Variants in PASK observed in about 807,000 individuals in gnomAD.
PASK encodes the protein PAS domain-containing serine/threonine-protein kinase.
Under a neutral mutation model 121.0 loss-of-function variants are expected in PASK, and 110 were observed. The observed-to-expected ratio is 0.91, with a 90% confidence interval of 0.78 to 1.06. PASK has a LOEUF of 1.06. Among genes scored for constraint, PASK ranks in the 50% least tolerant of loss-of-function variants. The probability of loss-of-function intolerance (pLI) is 0.00; values close to 1 mark genes in which losing one functional copy is unlikely to be tolerated. For synonymous variants in PASK, 686 were observed against 717.8 expected (o/e 0.96, Z 0.71); for missense variants, 1,643 against 1,702.3 (o/e 0.97, Z 0.61).
chr2:241,129,140 A>C (rs764955191), intron 9 of PASK, among the ~76,000 whole-genome samples: 15 of 152,136 alleles, frequency 9.9e-5, no homozygotes, highest in Non-Finnish European at 1.6e-4. Context: ...ATCCTCCTGC[A>C]GGATCAGGTA....
chr2:241,135,761 A>T, intron 8 of PASK, 110 bp downstream of exon 8: 1 of 1,027,716 alleles, frequency 9.7e-7, no homozygotes, highest in Non-Finnish European at 1.5e-6. Context: ...ACCACCCCTG[A>T]GCCTCTGGAG....
In PASK at chr2:241,112,334, A is replaced by C. The variant is rs1388591554; in HGVS notation, c.3439T>G (p.Phe1147Val). The C allele has an allele frequency of 6.2e-7, 1 of 1,613,608 alleles. No homozygotes were observed. The highest frequency in any genetic ancestry group is 1.3e-5 in the African/African-American group (1 of 74,864). Reference protein sequence around the residue: ...AEDFTIKLIDFGSAAYLERGK... With the variant: ...AEDFTIKLIDVGSAAYLERGK... ...CTTTCCAAGTAGGCGGCCGAGCCAA[A>C]GTCTATCAGCTTGATTGTGAAGTCC... The change falls in exon 15 of 18, where the codon TTT (phenylalanine) becomes GTT (valine). Residue 1147 changes from phenylalanine (F) to valine (V), a missense_variant. Around this residue, in one of 3 missense-constraint regions of PASK, gnomAD observed 453 missense variants for 511.2 expected, o/e 0.89. Transcript: ENST00000234040. This position sits in a 1 kb window ranked among gnomAD's most constrained non-coding sequence, Gnocchi z 5.2.
At chr2:241,139,766 T>G in intron 4 of PASK, 119 bp downstream of exon 4, 20 of 922,686 alleles carry the variant, frequency 2.2e-5, no homozygotes, top group Non-Finnish European at 3.0e-5. Context: ...CTGAAGAAGC[T>G]GAGATGTCCT....
intron 1 of PASK, among the ~76,000 whole-genome samples, chr2:241,148,798 GA>G (rs2067107356): frequency 6.6e-6 from 1 of 152,166 alleles, no homozygotes; most frequent in Admixed American, 6.5e-5. Context: ...TGAAGAGAGG[GA>G]ACCCCTAAGA....
intron 6 of PASK, among the ~76,000 whole-genome samples, chr2:241,137,529 G>A (rs7568414): frequency 0.33 from 49,883 of 152,102 alleles, 9,829 homozygotes; most frequent in Middle Eastern, 0.54. Context: ...GTGAGGGGCC[G>A]GGCACCAGCA....
chr2:241,129,027 T>C (rs2066006080), intron 9 of PASK, among the ~76,000 whole-genome samples: 1 of 151,718 alleles, frequency 6.6e-6, no homozygotes, highest in African/African-American at 2.4e-5. Flanking sequence ...CCCGCCTCTC[T>C]CCCTCCATGT....
chr2:241,119,265 G>T (rs894789262), intron 12 of PASK, among the ~76,000 whole-genome samples: 1 of 152,190 alleles, frequency 6.6e-6, no homozygotes, highest in Non-Finnish European at 1.5e-5. Flanking sequence ...CTTTCGGAGG[G>T]TGGGGAGGGA....
In PASK at chr2:241,108,567, G is replaced by C. The variant is rs2064981276; in HGVS notation, c.3534-267C>G. The C allele has an allele frequency of 1.9e-6, 1 of 532,298 alleles. No homozygotes were observed. 33.0% of individuals were successfully genotyped at this position (532,298 alleles called of 1,614,324 possible). A position where few individuals can be genotyped will look rare whatever the true frequency, so the allele number is the denominator to read the frequency against. On this transcript the variant is annotated intron_variant, in intron 15 of 17. Transcript: ENST00000234040. This position sits in a 1 kb window ranked among gnomAD's most constrained non-coding sequence, Gnocchi z 5.2. Reference sequence around the variant, plus strand: ...ACTTCCTTGTGGACACCAACCACAAGACGTGTCTACCAGAGGGGGGAGCGG... The same window carrying C: ...ACTTCCTTGTGGACACCAACCACAACACGTGTCTACCAGAGGGGGGAGCGG...
rs761066205 is a variant in PASK at position 241,122,862 on chromosome 2, T to C, written c.2942A>G (p.Lys981Arg). The C allele has an allele frequency of 1.9e-6, 3 of 1,614,112 alleles. No individual in the cohort carries two copies. The highest frequency in any genetic ancestry group is 4.5e-5 in the East Asian group (2 of 44,868). The change falls in exon 12 of 18, where the codon AAG becomes AGG. Residue 981 changes from lysine to arginine, a missense_variant. By Grantham distance (26) the Lys-to-Arg change is conservative. This residue lies in a region of PASK where 453 missense variants were observed against 511.2 expected (regional missense o/e 0.89). Coordinates refer to ENST00000234040, the MANE Select transcript of PASK (RefSeq NM_015148.4). ...CGCCAACCCCTCCAGTTCCACAGCC[T>C]TGGGGGGCTCCTCAAACCAGGGTCT... is the stretch of plus-strand genomic sequence containing the variant. ...RARPWFEEPPKAVELEGLAAC... is the reference protein window; with the variant it reads ...RARPWFEEPPRAVELEGLAAC...
At chr2:241,119,293 C>A (rs113498518) in intron 12 of PASK, among the ~76,000 whole-genome samples, 6 of 152,286 alleles carry the variant, frequency 3.9e-5, no homozygotes, top group African/African-American at 1.2e-4. Flanking sequence ...ACAGCAGAGG[C>A]CTGGGCTGCG....
intron 9 of PASK, among the ~76,000 whole-genome samples, chr2:241,132,527 TAAAAAAAAAAAAA>T (rs71049553): frequency 2.8e-4 from 11 of 39,526 alleles, no homozygotes; most frequent in South Asian, 9.5e-4. Context: ...AGACTCTGTC[TAAAAAAAAAAAAA>T]AAAAAAAAAA....
Position 241,115,142 on chromosome 2 carries a change from C to T in PASK, c.3234G>A (p.Gln1078=). The change falls in exon 14 of 18, where the codon CAG becomes CAA. Residue 1078 remains glutamine, a synonymous_variant. Transcript: ENST00000234040. ...LDIFENQGFF[Q]LVMEKHGSGL... is the part of the protein sequence containing the mutation. ...CGGAGCCGTGCTTCTCCATCACAAG[C>T]TGGAAGAACCCTTGGTTTTCAAATA... is the stretch of plus-strand genomic sequence containing the variant. 2 of 1,614,134 alleles carry T rather than the reference C, an allele frequency of 1.2e-6. No homozygotes were observed. Among genetic ancestry groups the T allele is most frequent in the Non-Finnish European group, 1.7e-6 (2 of 1,179,986 alleles).
At chr2:241,110,232 T>C (rs1401035830) in intron 15 of PASK, among the ~76,000 whole-genome samples, 1 of 152,170 alleles carries the variant, frequency 6.6e-6, no homozygotes, top group Admixed American at 6.5e-5. Context: ...ATTCCACGTA[T>C]AGGAGGTCCC....
intron 2 of PASK, among the ~76,000 whole-genome samples, chr2:241,142,119 C>A (rs1223902830): frequency 3.3e-5 from 5 of 150,358 alleles, no homozygotes; most frequent in African/African-American, 1.2e-4. Context: ...ACAGGGCCCT[C>A]CGCTCTACAC....
At position 241,115,958 on chromosome 2, in the gene PASK, G is replaced by A. The variant is rs187838784; in HGVS notation, c.3073-545C>T. ...CAGTCCTCAAGCATCCCATTACGCCGGGGCCACCTGGTCCTCAAGCATCCC... is the reference window on the plus strand; with the variant it reads ...CAGTCCTCAAGCATCCCATTACGCCAGGGCCACCTGGTCCTCAAGCATCCC... On this transcript the variant is annotated intron_variant, in intron 12 of 17. Transcript: ENST00000234040. Among the ~76,000 whole-genome samples the A allele has an allele frequency of 9.7e-4, 78 of 80,174 alleles. 2 individuals are homozygous for A. Among genetic ancestry groups the A allele is most frequent in the East Asian group, 5.2e-3 (6 of 1,150 alleles). The allele number at this position is 80,174 out of a possible 152,430, so 52.6% of individuals were successfully genotyped here.
chr2:241,149,761 G>A (rs1394955783), upstream of PASK: 5 of 1,539,664 alleles, frequency 3.2e-6, no homozygotes, highest in South Asian at 3.6e-5. Context: ...GGCGGAGGAC[G>A]CGGGGCGGCT....
At chr2:241,114,121 GT>G (rs1229173282) in intron 14 of PASK, 1 of 985,206 alleles carries the variant, frequency 1.0e-6, no homozygotes, top group African/African-American at 1.7e-5. Flanking sequence ...GCTGTAAAAA[GT>G]TTCAGAAACA....
intron 12 of PASK, chr2:241,118,924 C>A: frequency 9.7e-7 from 1 of 1,036,122 alleles, no homozygotes; most frequent in South Asian, 4.3e-5. Flanking sequence ...TCATACAAGT[C>A]CCAGCACCCC....
intron 11 of PASK, among the ~76,000 whole-genome samples, chr2:241,123,598 G>A (rs1478516162): frequency 2.0e-5 from 3 of 151,904 alleles, no homozygotes; most frequent in Non-Finnish European, 4.4e-5. Flanking sequence ...CAGGTGGATC[G>A]CCTGAGGTCA....
Sources: gnomAD v4.1 joint callset for allele counts (sites outside exome capture counted in the v4.1 genomes callset) on GRCh38, gnomAD v4.1.1 for gene constraint, gnomAD v4.1.1 regional missense constraint, Gnocchi (gnomAD v3.1) non-coding constraint, MANE v1.5 for transcripts, NCBI Gene and HGNC (gene_info 2026-07-23, HGNC 2026-07-21) for gene names.